ROBO2: variants seen among roughly 807,000 people sequenced by gnomAD.
ROBO2 encodes the protein roundabout guidance receptor 2.
In ROBO2, 53 loss-of-function variants were observed where a neutral mutation model predicts 160.8. The observed-to-expected ratio is 0.33, with a 90% CI of 0.26 to 0.41. The LOEUF (loss-of-function observed/expected upper bound fraction) is 0.41. ROBO2 is among the 10% of genes least tolerant of loss of function. The pLI is 1.00. For missense variants in ROBO2, 1,577 were observed against 1,722.4 expected, an observed-to-expected ratio of 0.92 and a Z score of 1.49; for synonymous variants, 664 against 611.7, an observed-to-expected ratio of 1.09 and a Z score of -1.26.
intron 2 of ROBO2, among the ~76,000 whole-genome samples, chr3:76,710,185 A>G (rs1272445450): frequency 3.3e-5 from 5 of 151,974 alleles, no homozygotes; most frequent in African/African-American, 1.2e-4. Context: ...CAGTGGCACA[A>G]TCTCAGCTCA....
intron 2 of ROBO2, among the ~76,000 whole-genome samples, chr3:75,989,816 T>C (rs1367078878): frequency 6.6e-6 from 1 of 152,220 alleles, no homozygotes; most frequent in East Asian, 1.9e-4. Context: ...TGTAGAAGTA[T>C]GTGCTAAGGA....
chr3:76,689,197 ACAT>A (rs2092747769), intron 2 of ROBO2, among the ~76,000 whole-genome samples: 1 of 152,110 alleles, frequency 6.6e-6, no homozygotes, highest in South Asian at 2.1e-4. Context: ...GAAATATATA[ACAT>A]CATGTTTATT....
intron 2 of ROBO2, among the ~76,000 whole-genome samples, chr3:76,524,826 TAAAAAAAAAAAA>T (rs58091252): frequency 0.013 from 275 of 21,676 alleles, no homozygotes; most frequent in African/African-American, 0.037. Flanking sequence ...CTCTTATTCC[TAAAAAAAAAAAA>T]AAAAAAAAAA....
chr3:76,216,792 G>C (rs2107364921), intron 2 of ROBO2, among the ~76,000 whole-genome samples: 1 of 152,248 alleles, frequency 6.6e-6, no homozygotes, highest in East Asian at 1.9e-4. Context: ...ATTGAACTCA[G>C]CTCTGCACCA....
intron 2 of ROBO2, among the ~76,000 whole-genome samples, chr3:76,876,200 C>A (rs1448877681): frequency 6.6e-6 from 1 of 152,160 alleles, no homozygotes; most frequent in Non-Finnish European, 1.5e-5. Context: ...TGAGAAGAAT[C>A]ACTTTCTCCA....
intron 2 of ROBO2, among the ~76,000 whole-genome samples, chr3:76,883,053 C>G (rs907485944): frequency 2.6e-5 from 4 of 152,156 alleles, no homozygotes; most frequent in African/African-American, 9.7e-5. Context: ...TGATCCCAAA[C>G]AAAAACACCA....
chr3:77,564,924 C>G (rs749212903), intron 11 of ROBO2, 30 bp from the exon 13 acceptor site: 1 of 1,608,044 alleles, frequency 6.2e-7, no homozygotes, highest in Admixed American at 1.7e-5. Flanking sequence ...AATGACTGTT[C>G]TTTAAATGAA....
intron 2 of ROBO2, among the ~76,000 whole-genome samples, chr3:76,953,830 G>T (rs1441322149): frequency 1.3e-5 from 2 of 152,150 alleles, no homozygotes; most frequent in Non-Finnish European, 1.5e-5. Context: ...ATGTGTGTGT[G>T]TGTGTGTGTG....
At chr3:76,511,469 T>G (rs2107754917) in intron 2 of ROBO2, among the ~76,000 whole-genome samples, 1 of 152,342 alleles carries the variant, frequency 6.6e-6, no homozygotes, top group East Asian at 1.9e-4. Flanking sequence ...ATCAAAATAT[T>G]TATGCCATAT....
intron 2 of ROBO2, among the ~76,000 whole-genome samples, chr3:76,151,260 A>T: frequency 6.6e-6 from 1 of 152,064 alleles, no homozygotes; most frequent in Non-Finnish European, 1.5e-5. Flanking sequence ...TATAATGCTC[A>T]TATGGAAATC....
rs11285132 is a variant in ROBO2, at chr3:77,533,885, CTT to C, written c.934+10993_934+10994del. On this transcript the variant is annotated intron_variant, in intron 6 of 25. Transcript: ENST00000461745. ...TCAGAATGCTGCCAACTACAGTAGGCTTTTTTTTTTTCTTTCTGTCAATACTT... is the reference window on the plus strand; with the variant it reads ...TCAGAATGCTGCCAACTACAGTAGGCTTTTTTTTTCTTTCTGTCAATACTT... Among the ~76,000 whole-genome samples the C allele has an allele frequency of 5.1e-3, 751 of 146,572 alleles. 7 individuals are homozygous for C. Among genetic ancestry groups the C allele is most frequent in the African/African-American group, 0.018 (713 of 40,366 alleles).
chr3:77,142,695 A>G (rs1458806974), intron 2 of ROBO2, among the ~76,000 whole-genome samples: 1 of 152,138 alleles, frequency 6.6e-6, no homozygotes, highest in African/African-American at 2.4e-5. Context: ...GGCTGCATTC[A>G]GGGTGCACAG....
At chr3:76,671,844 G>A (rs768800535) in intron 2 of ROBO2, among the ~76,000 whole-genome samples, 25 of 151,788 alleles carry the variant, frequency 1.6e-4, no homozygotes, top group African/African-American at 5.8e-4. Flanking sequence ...AAATAGTATA[G>A]TAAATGCTAT....
At chr3:76,867,370 G>A (rs1419512309) in intron 2 of ROBO2, among the ~76,000 whole-genome samples, 1 of 152,166 alleles carries the variant, frequency 6.6e-6, no homozygotes, top group African/African-American at 2.4e-5. Context: ...TCATTTTCAA[G>A]ATGGAACCAT....
At chr3:75,936,516 T>C (rs1430119797) in intron 1 of ROBO2, among the ~76,000 whole-genome samples, 1 of 152,176 alleles carries the variant, frequency 6.6e-6, no homozygotes, top group African/African-American at 2.4e-5. Context: ...CTTGAAGGTG[T>C]TTATCATTCT....
Position 77,521,720 on chromosome 3 carries a change from T to C in ROBO2, c.807-1055T>C, listed in dbSNP as rs569831103. ...TATAAATTAGGACTGTATTAGTTCA[T>C]GCCTTAGCCTCTAATAAAATTAAGC... On this transcript the variant is annotated intron_variant, in intron 5 of 25. Transcript: ENST00000461745. Among the ~76,000 whole-genome samples the C allele has an allele frequency of 4.0e-5, 6 of 151,406 alleles. No individual in the cohort carries two copies. The South Asian group carries it at 1.2e-3, about 31-fold the overall frequency.
At chr3:77,003,709 C>A (rs905575829) in intron 2 of ROBO2, among the ~76,000 whole-genome samples, 1 of 151,984 alleles carries the variant, frequency 6.6e-6, no homozygotes, top group Non-Finnish European at 1.5e-5. Flanking sequence ...GCCACCACAC[C>A]CGGCTAATTT....
intron 2 of ROBO2, among the ~76,000 whole-genome samples, chr3:77,132,074 G>A (rs2075898567): frequency 6.6e-6 from 1 of 151,900 alleles, no homozygotes; most frequent in South Asian, 2.1e-4. Context: ...CTTTAGAATA[G>A]GACCTAATAT....
intron 2 of ROBO2, among the ~76,000 whole-genome samples, chr3:77,382,801 TC>T (rs2073679489): frequency 2.0e-5 from 3 of 152,236 alleles, no homozygotes; most frequent in Admixed American, 1.3e-4. Context: ...TACCACATTT[TC>T]TTTATCCACT....
Sources: allele counts gnomAD v4.1 joint callset (sites outside exome capture counted in the v4.1 genomes callset), GRCh38; gene constraint gnomAD v4.1.1; transcripts MANE v1.5; gene names NCBI Gene and HGNC (gene_info 2026-07-23, HGNC 2026-07-21).